The following TPCN2 variants were observed in gnomAD, a reference collection of about 807,000 sequenced individuals.
The protein encoded by TPCN2 is two pore channel protein 2.
A neutral mutation model predicts 111.4 loss-of-function variants in TPCN2; 92 were observed. The observed-to-expected ratio is 0.83, with a 90% CI of 0.70 to 0.98. The LOEUF is 0.98. Ranked by LOEUF, TPCN2 falls within the 50% of genes least tolerant of loss-of-function variation. The pLI is 0.00. For synonymous variants in TPCN2, 405 were observed against 414.5 expected, an observed-to-expected ratio of 0.98 and a Z score of 0.28; for missense variants, 995 against 980.1, an observed-to-expected ratio of 1.02 and a Z score of -0.20.
intron 8 of TPCN2, among the ~76,000 whole-genome samples, chr11:69,067,986 G>A (rs1019390045): frequency 5.9e-5 from 9 of 152,112 alleles, no homozygotes; most frequent in African/African-American, 1.2e-4. Context: ...TCCTGGTGCC[G>A]TCCTGCTGGA....
intron 11 of TPCN2, 117 bp downstream of exon 11, chr11:69,072,140 T>C: frequency 2.4e-6 from 2 of 822,728 alleles, no homozygotes; most frequent in East Asian, 5.3e-5. Flanking sequence ...CCCTGCTGGC[T>C]GGCACCCGAC....
chr11:69,062,854 G>C, intron 5 of TPCN2, 30 bp from the exon 6 acceptor site: 1 of 1,600,996 alleles, frequency 6.2e-7, no homozygotes, highest in Non-Finnish European at 8.6e-7. Context: ...AGCACTTGAC[G>C]TGGTCCTCAG....
At chr11:69,071,783 GC>G in intron 10 of TPCN2, 139 bp from the exon 11 acceptor site, 8 of 714,798 alleles carry the variant, frequency 1.1e-5, no homozygotes, top group South Asian at 1.1e-4. Context: ...GTGAGGGGCT[GC>G]CCCCAGGCTG....
In TPCN2 at chr11:69,084,014, G is replaced by A. The variant is rs943102035; in HGVS notation, c.1759G>A (p.Val587Met). The A allele has an allele frequency of 1.2e-6, 2 of 1,614,016 alleles. No individual in the cohort carries two copies. Among genetic ancestry groups the A allele is most frequent in the African/African-American group, 2.7e-5 (2 of 74,934 alleles). The change falls in exon 19 of 25, where the codon GTG becomes ATG. Residue 587 changes from valine (V) to methionine (M), a missense_variant and splice_region_variant. Transcript: ENST00000294309. ...QNMRAFGGIL[V>M]VVYYVFAIIG... ...CATGCGTGCGTTTGGCGGGATCCTG[G>A]TGGTGAGTCCCAGGCTGCTGCTGGT...
At chr11:69,066,439 C>G (rs1590722813) in intron 7 of TPCN2, among the ~76,000 whole-genome samples, 1 of 152,216 alleles carries the variant, frequency 6.6e-6, no homozygotes, top group African/African-American at 2.4e-5. Flanking sequence ...GGCCCCTGTG[C>G]CCCCTCCCCC....
intron 24 of TPCN2, 59 bp downstream of exon 24, chr11:69,087,265 G>T (rs368563422): frequency 2.7e-6 from 4 of 1,505,096 alleles, no homozygotes; most frequent in Admixed American, 3.5e-5. Context: ...CCAAGAGCTG[G>T]GGGGTGGAGG....
rs914263980 is a variant in TPCN2, at chr11:69,072,565, G to A, written c.1062-62G>A. The A allele has an allele frequency of 5.1e-6, 8 of 1,567,628 alleles. No individual in the cohort carries two copies. The African/African-American group carries it at 1.1e-4, about 21-fold the overall frequency. ...CCAGACGCCAGGGCAGGAGGACCCA[G>A]GCCAGGGTTCCAAGGGAGCCGAGCT... is the stretch of plus-strand genomic sequence containing the variant. On this transcript the variant is annotated intron_variant, in intron 11 of 24. Coordinates refer to ENST00000294309, the MANE Select transcript of TPCN2 (RefSeq NM_139075.4).
intron 1 of TPCN2, among the ~76,000 whole-genome samples, chr11:69,049,487 A>G (rs557114083): frequency 9.1e-4 from 139 of 152,342 alleles, no homozygotes; most frequent in African/African-American, 3.3e-3. Flanking sequence ...AGGGTCGCCT[A>G]ATTGACTCAG....
intron 7 of TPCN2, among the ~76,000 whole-genome samples, chr11:69,066,144 C>T (rs770768146): frequency 5.9e-5 from 9 of 152,114 alleles, no homozygotes; most frequent in African/African-American, 4.8e-5. Flanking sequence ...GCTCCATGGG[C>T]GCTCGGTGGG....
chr11:69,072,538 A>T, intron 11 of TPCN2, 89 bp from the exon 12 acceptor site: 1 of 1,372,154 alleles, frequency 7.3e-7, no homozygotes, highest in South Asian at 1.3e-5. Context: ...GCAAAGCTCA[A>T]GCCAGACGCC....
At chr11:69,072,135 C>A in intron 11 of TPCN2, 112 bp downstream of exon 11, 1 of 859,700 alleles carries the variant, frequency 1.2e-6, no homozygotes, top group Non-Finnish European at 1.8e-6. Flanking sequence ...CTCGCCCCTG[C>A]TGGCTGGCAC....
intron 4 of TPCN2, among the ~76,000 whole-genome samples, 168 bp from the exon 5 acceptor site, chr11:69,057,410 C>T (rs997657674): frequency 1.3e-5 from 2 of 152,258 alleles, no homozygotes; most frequent in African/African-American, 4.8e-5. Context: ...CAGGCTTGGG[C>T]GGGAGCTCGG....
intron 7 of TPCN2, among the ~76,000 whole-genome samples, 174 bp from the exon 8 acceptor site, chr11:69,067,329 C>T (rs890696071): frequency 2.0e-5 from 3 of 152,218 alleles, no homozygotes; most frequent in Non-Finnish European, 4.4e-5. Context: ...CTCTTGCGCC[C>T]GGAGATCCTG....
At chr11:69,054,826 G>C in intron 3 of TPCN2, 29 bp downstream of exon 3, 1 of 1,607,544 alleles carries the variant, frequency 6.2e-7, no homozygotes, top group Non-Finnish European at 8.5e-7. Flanking sequence ...GGAACTCAGG[G>C]TTCCTGCCGG....
intron 8 of TPCN2, among the ~76,000 whole-genome samples, 183 bp from the exon 9 acceptor site, chr11:69,070,247 A>C (rs1027370425): frequency 3.3e-5 from 5 of 152,020 alleles, no homozygotes; most frequent in African/African-American, 4.8e-5. Context: ...CTGGTCTCGG[A>C]ATTCCTGACC....
At chr11:69,084,628 C>T (rs1856195656) in intron 19 of TPCN2, 1 of 985,342 alleles carries the variant, frequency 1.0e-6, no homozygotes, top group African/African-American at 1.7e-5. Context: ...TTGCAGGAAG[C>T]CCGGCCACAC....
intron 5 of TPCN2, among the ~76,000 whole-genome samples, chr11:69,060,888 G>T (rs140218848): frequency 1.2e-3 from 177 of 152,348 alleles, no homozygotes; most frequent in Non-Finnish European, 2.0e-3. Flanking sequence ...GGCGCACAGG[G>T]CAGGGGCCAG....
rs112949449 is a variant in TPCN2 at position 69,079,069 on chromosome 11, C to T, written c.1539+49C>T. Reference sequence around the variant, plus strand: ...GGCCTCTACTGGGCGGGTGGGTGAGCGCCACCTGGGCTCTGTGCTGGCCCA... The same window carrying T: ...GGCCTCTACTGGGCGGGTGGGTGAGTGCCACCTGGGCTCTGTGCTGGCCCA... On this transcript the variant is annotated intron_variant, in intron 16 of 24. Transcript: ENST00000294309. 2,695 of 1,566,654 alleles carry T rather than the reference C, an allele frequency of 1.7e-3. 46 individuals are homozygous for T. In the African/African-American group the frequency reaches 0.03, roughly 17 times the overall value.
chr11:69,053,925 C>T (rs1242650933), intron 1 of TPCN2, 108 bp from the exon 2 acceptor site: 13 of 944,124 alleles, frequency 1.4e-5, no homozygotes, highest in East Asian at 5.2e-5. Context: ...TCTTTACAAA[C>T]GGCCTTGGGA....
Sources: gnomAD v4.1 joint callset for allele counts (sites outside exome capture counted in the v4.1 genomes callset) on GRCh38, gnomAD v4.1.1 for gene constraint, MANE v1.5 for transcripts, NCBI Gene and HGNC (gene_info 2026-07-23, HGNC 2026-07-21) for gene names.